Variants in LSAMP observed in about 807,000 individuals in gnomAD.
LSAMP encodes limbic system-associated membrane protein.
Under a neutral mutation model 38.6 loss-of-function variants are expected in LSAMP, and 7 were observed. That is an observed-to-expected ratio of 0.18 (90% CI 0.10 to 0.34). The LOEUF (loss-of-function observed/expected upper bound fraction) is 0.34. Among genes scored for constraint, LSAMP ranks in the 10% least tolerant of loss-of-function variants. The pLI is 1.00. For synonymous variants in LSAMP, 154 were observed against 166.8 expected, an observed-to-expected ratio of 0.92 and a Z score of 0.59; for missense variants, 313 against 420.0, an observed-to-expected ratio of 0.75 and a Z score of 2.23.
intron 1 of LSAMP, among the ~76,000 whole-genome samples, chr3:116,303,570 A>T (rs1353829160): frequency 6.6e-6 from 1 of 152,194 alleles, no homozygotes; most frequent in Non-Finnish European, 1.5e-5. Flanking sequence ...TTTGAAGAGC[A>T]CTGAGTTATT....
chr3:116,201,473 T>A (rs756421547), intron 1 of LSAMP, among the ~76,000 whole-genome samples: 30 of 152,178 alleles, frequency 2.0e-4, no homozygotes, highest in Non-Finnish European at 3.8e-4. Context: ...GAACCTCCTG[T>A]GCATGGCTGG....
intron 1 of LSAMP, among the ~76,000 whole-genome samples, chr3:116,409,102 A>G (rs1010373016): frequency 2.0e-5 from 3 of 152,042 alleles, no homozygotes; most frequent in Admixed American, 2.0e-4. Flanking sequence ...TATCATGTGT[A>G]AAGCTCTCCA....
chr3:116,263,082 TA>T (rs1454871286), intron 1 of LSAMP, among the ~76,000 whole-genome samples: 5 of 152,214 alleles, frequency 3.3e-5, no homozygotes, highest in Non-Finnish European at 5.9e-5. Context: ...TCAAAGGGAA[TA>T]TAACACTATA....
chr3:116,054,184 G>A (rs1425822685), intron 2 of LSAMP, among the ~76,000 whole-genome samples: 1 of 152,150 alleles, frequency 6.6e-6, no homozygotes, highest in Non-Finnish European at 1.5e-5. Context: ...CAGCAGTGCA[G>A]CATCAATAAT....
At chr3:115,829,822 A>G (rs1934550564) in intron 6 of LSAMP, among the ~76,000 whole-genome samples, 1 of 152,226 alleles carries the variant, frequency 6.6e-6, no homozygotes, top group South Asian at 2.1e-4. Flanking sequence ...GATTTCAGAA[A>G]TCTTTAGAAT....
At chr3:115,997,919 A>G (rs1393058225) in intron 3 of LSAMP, among the ~76,000 whole-genome samples, 2 of 146,928 alleles carry the variant, frequency 1.4e-5, no homozygotes, top group African/African-American at 5.0e-5. Flanking sequence ...ATATATACAT[A>G]TAATAGCTAT....
intron 6 of LSAMP, among the ~76,000 whole-genome samples, chr3:115,825,233 T>G (rs1044605191): frequency 3.9e-5 from 6 of 152,218 alleles, no homozygotes; most frequent in African/African-American, 9.6e-5. Context: ...TGAGTCACCC[T>G]TGGACCTACC....
At position 115,962,386 on chromosome 3, in the gene LSAMP, G is replaced by T. The variant is rs185683658; in HGVS notation, c.514+57129C>A. ...GTTGGAAGAGGAACATTTTCTTCAT[G>T]TCTTTTATTATACAATTTGAGATAA... On this transcript the variant is annotated intron_variant, in intron 3 of 6. Transcript: ENST00000490035. 3.1e-3 allele frequency among the ~76,000 whole-genome samples: 473 copies of T among 152,250 alleles called. 2 individuals carry two copies. The highest frequency in any genetic ancestry group is 3.5e-3 in the Non-Finnish European group (238 of 68,014).
At chr3:116,153,909 C>A (rs528078183) in intron 1 of LSAMP, among the ~76,000 whole-genome samples, 27 of 152,030 alleles carry the variant, frequency 1.8e-4, no homozygotes, top group African/African-American at 6.3e-4. Context: ...TTTAGGGCAT[C>A]AAAACCAACC....
intron 1 of LSAMP, among the ~76,000 whole-genome samples, chr3:116,099,565 G>T (rs576023679): frequency 6.6e-6 from 1 of 152,260 alleles, no homozygotes; most frequent in South Asian, 2.1e-4. Flanking sequence ...ATAATGTCCA[G>T]TCTCCCTCAA....
At chr3:116,170,719 T>TTCAA (rs1710176488) in intron 1 of LSAMP, among the ~76,000 whole-genome samples, 1 of 152,168 alleles carries the variant, frequency 6.6e-6, no homozygotes, top group Admixed American at 6.6e-5. Context: ...GAAATTAGCA[T>TTCAA]TCAATATATT....
At chr3:115,851,044 G>T (rs1224586286) in intron 4 of LSAMP, among the ~76,000 whole-genome samples, 10 of 152,058 alleles carry the variant, frequency 6.6e-5, no homozygotes, top group Admixed American at 1.3e-4. Context: ...CGCGATCTCG[G>T]CTCACTGCAA....
At chr3:116,105,394 C>A (rs981763735) in intron 1 of LSAMP, among the ~76,000 whole-genome samples, 8 of 152,124 alleles carry the variant, frequency 5.3e-5, no homozygotes, top group Admixed American at 6.5e-5. Context: ...ACCAAACAGG[C>A]TTTGTGTGAG....
At chr3:116,154,249 G>T (rs921001488) in intron 1 of LSAMP, among the ~76,000 whole-genome samples, 2 of 152,106 alleles carry the variant, frequency 1.3e-5, no homozygotes, top group African/African-American at 2.4e-5. Flanking sequence ...GTCTTGAGGA[G>T]CTGCAAGACC....
chr3:116,357,804 A>G lies in LSAMP; in HGVS notation c.155+87073T>C, dbSNP rs1559840340. On this transcript the variant is annotated intron_variant, in intron 1 of 6. Coordinates refer to ENST00000490035, the MANE Select transcript of LSAMP (RefSeq NM_002338.5). ...ACCCTAAAAGGAAGAGTCTAAAAAG[A>G]ATTTACATCAGTTCACTCTTCATTG... Among the ~76,000 whole-genome samples, 5 of 152,154 alleles carry G rather than the reference A, an allele frequency of 3.3e-5. No homozygotes were observed. The South Asian group carries it at 1.0e-3, about 31-fold the overall frequency.
rs139086673 is a variant in LSAMP at position 115,887,575 on chromosome 3, C to T, written c.515-34958G>A. Among the ~76,000 whole-genome samples, 362 of 152,000 alleles carry T rather than the reference C, an allele frequency of 2.4e-3. 6 individuals carry two copies. Among genetic ancestry groups the T allele is most frequent in the African/African-American group, 4.7e-3 (194 of 41,510 alleles). Reference sequence around the variant, plus strand: ...TGCAGGAAGATGCATATTTTAATTACATTTAACCTGTTTCTCTGTTAATTT... The same window carrying T: ...TGCAGGAAGATGCATATTTTAATTATATTTAACCTGTTTCTCTGTTAATTT... On this transcript the variant is annotated intron_variant, in intron 3 of 6. Coordinates refer to ENST00000490035, the MANE Select transcript of LSAMP (RefSeq NM_002338.5).
chr3:116,128,331 C>T (rs527498233), intron 1 of LSAMP, among the ~76,000 whole-genome samples: 3 of 152,170 alleles, frequency 2.0e-5, no homozygotes, highest in African/African-American at 7.2e-5. Flanking sequence ...TTTCTCATAG[C>T]TGGATAGAAG....
intron 1 of LSAMP, among the ~76,000 whole-genome samples, chr3:116,433,128 C>G (rs985494229): frequency 2.0e-5 from 3 of 152,060 alleles, no homozygotes; most frequent in Non-Finnish European, 2.9e-5. Context: ...TGTAATGACA[C>G]AAAACAATCA....
intron 3 of LSAMP, among the ~76,000 whole-genome samples, chr3:115,867,335 C>T (rs1475326806): frequency 6.6e-6 from 1 of 151,874 alleles, no homozygotes; most frequent in Non-Finnish European, 1.5e-5. Context: ...GAAGGGTAAA[C>T]CTTATTGTAT....
Sources: allele counts gnomAD v4.1 joint callset (sites outside exome capture counted in the v4.1 genomes callset), GRCh38; gene constraint gnomAD v4.1.1; transcripts MANE v1.5; gene names NCBI Gene and HGNC (gene_info 2026-07-23, HGNC 2026-07-21).